SHISA6: variants seen among roughly 807,000 people sequenced by gnomAD.
SHISA6 encodes shisa family member 6.
SHISA6 carries 22 observed loss-of-function variants against 47.9 expected under a neutral mutation model. The observed-to-expected ratio is 0.46, with a 90% CI of 0.33 to 0.66. The LOEUF is 0.66. Ranked by LOEUF, SHISA6 falls within the 30% of genes least tolerant of loss-of-function variation. SHISA6 has a pLI of 0.02. For missense variants in SHISA6, 680 were observed against 764.6 expected, an observed-to-expected ratio of 0.89 and a Z score of 1.30; for synonymous variants, 388 against 337.8, an observed-to-expected ratio of 1.15 and a Z score of -1.63.
At chr17:11,284,839 A>G (rs1207081935) in intron 2 of SHISA6, among the ~76,000 whole-genome samples, 1 of 152,194 alleles carries the variant, frequency 6.6e-6, no homozygotes, top group Admixed American at 6.5e-5. Flanking sequence ...GGACCAAAGC[A>G]ATTTAGTGAT....
At chr17:11,249,191 C>T (rs1428204216) in intron 1 of SHISA6, among the ~76,000 whole-genome samples, 1 of 151,710 alleles carries the variant, frequency 6.6e-6, no homozygotes, top group Non-Finnish European at 1.5e-5. Flanking sequence ...CTCTCTCTCC[C>T]AGAGATGAGT....
intron 2 of SHISA6, among the ~76,000 whole-genome samples, chr17:11,310,430 C>G (rs543658897): frequency 6.6e-6 from 1 of 151,982 alleles, no homozygotes; most frequent in Non-Finnish European, 1.5e-5. Flanking sequence ...TCAGGGTGGT[C>G]GAGAATGACA....
chr17:11,388,109 G>A (rs1170928634), intron 3 of SHISA6, among the ~76,000 whole-genome samples: 1 of 152,184 alleles, frequency 6.6e-6, no homozygotes, highest in Admixed American at 6.5e-5. Context: ...GTGGCAAGGA[G>A]ATGTCTGAGG....
At chr17:11,516,300 A>G (rs2071585165) in intron 3 of SHISA6, among the ~76,000 whole-genome samples, 1 of 152,212 alleles carries the variant, frequency 6.6e-6, no homozygotes, top group Non-Finnish European at 1.5e-5. Context: ...CCTTGCAGCA[A>G]TACCTCAGAG....
intron 3 of SHISA6, among the ~76,000 whole-genome samples, chr17:11,459,730 G>A (rs1263742016): frequency 1.3e-5 from 2 of 152,194 alleles, no homozygotes; most frequent in Non-Finnish European, 2.9e-5. Context: ...GTCTGTATAT[G>A]AAACACAGAA....
intron 3 of SHISA6, among the ~76,000 whole-genome samples, chr17:11,464,414 A>C (rs1027100174): frequency 6.6e-6 from 1 of 152,094 alleles, no homozygotes; most frequent in Non-Finnish European, 1.5e-5. Context: ...TCTACTTTCC[A>C]TCTTGCCTGA....
At position 11,350,182 on chromosome 17, in the gene SHISA6, A is replaced by ATT. The variant is rs778331945; in HGVS notation, c.800-29218_800-29217dup. On this transcript the variant is annotated intron_variant, in intron 2 of 5. Transcript: ENST00000441885. The stretch of plus-strand genomic sequence containing the variant: ...AATTTATTTATTTATTTATTTATTT[A>ATT]TTTTTTTTTTTTTTTGAGACGGAGT... Among the ~76,000 whole-genome samples the ATT allele has an allele frequency of 3.8e-3, 445 of 116,268 alleles. 6 individuals are homozygous for ATT. Among genetic ancestry groups the ATT allele is most frequent in the Admixed American group, 4.6e-3 (48 of 10,392 alleles). 76.3% of individuals were successfully genotyped at this position (116,268 alleles called of 152,430 possible).
chr17:11,455,540 C>T (rs1432184301), intron 3 of SHISA6, among the ~76,000 whole-genome samples: 1 of 152,122 alleles, frequency 6.6e-6, no homozygotes, highest in East Asian at 1.9e-4. Flanking sequence ...AGTGTGTGTA[C>T]AAGCGTGGAA....
intron 1 of SHISA6, among the ~76,000 whole-genome samples, chr17:11,252,170 AG>A: frequency 6.6e-6 from 1 of 152,284 alleles, no homozygotes; most frequent in African/African-American, 2.4e-5. Context: ...CCACGGACGC[AG>A]GAGCCCCAGT....
chr17:11,244,155 G>C (rs1907484836), intron 1 of SHISA6, among the ~76,000 whole-genome samples: 1 of 152,184 alleles, frequency 6.6e-6, no homozygotes, highest in Non-Finnish European at 1.5e-5. Flanking sequence ...AGTAACCACG[G>C]GAAGGGAGAT....
At chr17:11,407,056 AGAAGGATG>A (rs1299490134) in intron 3 of SHISA6, among the ~76,000 whole-genome samples, 1 of 152,220 alleles carries the variant, frequency 6.6e-6, no homozygotes, top group Non-Finnish European at 1.5e-5. Flanking sequence ...GAACAAAAGG[AGAAGGATG>A]GCACAGTATT....
chr17:11,442,925 CA>C (rs1164019592), intron 3 of SHISA6, among the ~76,000 whole-genome samples: 1 of 152,190 alleles, frequency 6.6e-6, no homozygotes, highest in Non-Finnish European at 1.5e-5. Flanking sequence ...GCACTTCCTC[CA>C]GAGCTCAGGC....
Position 11,537,841 on chromosome 17 carries a change from T to C in SHISA6, c.896-14055T>C, listed in dbSNP as rs116749357. Among the ~76,000 whole-genome samples the C allele has an allele frequency of 5.8e-3, 882 of 152,338 alleles. 12 individuals are homozygous for C. Among genetic ancestry groups the C allele is most frequent in the African/African-American group, 0.021 (854 of 41,574 alleles). On this transcript the variant is annotated intron_variant, in intron 3 of 5. Coordinates refer to ENST00000441885, the MANE Select transcript of SHISA6 (RefSeq NM_207386.4). ...GAACTCAACCTCCAGAAACATTCAA[T>C]GTATAAATAGTTGAGGAAGAGAGCC...
chr17:11,535,306 T>C (rs2071777650), intron 3 of SHISA6, among the ~76,000 whole-genome samples: 1 of 152,262 alleles, frequency 6.6e-6, no homozygotes, highest in African/African-American at 2.4e-5. Context: ...GCCCAACTCC[T>C]GGTCTTGTGT....
At chr17:11,516,525 A>G (rs2071587128) in intron 3 of SHISA6, among the ~76,000 whole-genome samples, 1 of 152,200 alleles carries the variant, frequency 6.6e-6, no homozygotes, top group African/African-American at 2.4e-5. Context: ...GACAAGCTGA[A>G]GGAGGGGGAT....
intron 3 of SHISA6, among the ~76,000 whole-genome samples, chr17:11,399,880 C>T (rs773891199): frequency 2.0e-5 from 3 of 152,100 alleles, no homozygotes; most frequent in Non-Finnish European, 2.9e-5. Flanking sequence ...GTCAAAGGTC[C>T]CTGAGAAAAA....
chr17:11,275,326 T>A (rs1309330237), intron 2 of SHISA6, among the ~76,000 whole-genome samples: 1 of 151,854 alleles, frequency 6.6e-6, no homozygotes, highest in Non-Finnish European at 1.5e-5. Flanking sequence ...TTTGGGGGCC[T>A]ACAGTGAGAA....
At chr17:11,458,333 T>C (rs1289668993) in intron 3 of SHISA6, among the ~76,000 whole-genome samples, 1 of 152,180 alleles carries the variant, frequency 6.6e-6, no homozygotes, top group Non-Finnish European at 1.5e-5. Context: ...TGGTGGGCTC[T>C]GATAGTAATG....
chr17:11,277,241 TTCTCTCTC>T (rs139388009), intron 2 of SHISA6, among the ~76,000 whole-genome samples: 4,067 of 77,888 alleles, frequency 0.052, 116 homozygotes, highest in African/African-American at 0.11. Context: ...CGGTTTCTCT[TTCTCTCTC>T]TCTCTCTCTC....
Sources: gnomAD v4.1 joint callset for allele counts (sites outside exome capture counted in the v4.1 genomes callset) on GRCh38, gnomAD v4.1.1 for gene constraint, MANE v1.5 for transcripts, NCBI Gene and HGNC (gene_info 2026-07-23, HGNC 2026-07-21) for gene names.